PPIL2: variants seen among roughly 807,000 people sequenced by gnomAD.
PPIL2 encodes the protein RING-type E3 ubiquitin-protein ligase PPIL2.
In PPIL2, 50 loss-of-function variants were observed where a neutral mutation model predicts 75.2. The ratio of observed to expected loss-of-function variants is 0.66; its 90% confidence interval spans 0.53 to 0.84. The LOEUF is 0.84. PPIL2 is among the 40% of genes least tolerant of loss of function. The pLI is 0.00. For synonymous variants in PPIL2, 245 were observed against 258.8 expected (o/e 0.95, Z 0.51); for missense variants, 590 against 685.0 (o/e 0.86, Z 1.55).
intron 5 of PPIL2, among the ~76,000 whole-genome samples, chr22:21,673,079 CA>C (rs1221141536): frequency 6.6e-6 from 1 of 152,222 alleles, no homozygotes; most frequent in Non-Finnish European, 1.5e-5. Context: ...GGAACTTGGC[CA>C]GGGGGCTGGT....
At chr22:21,668,713 CA>C (rs1472209453) in intron 1 of PPIL2, among the ~76,000 whole-genome samples, 3 of 95,802 alleles carry the variant, frequency 3.1e-5, no homozygotes, top group Admixed American at 1.1e-4. Context: ...AATAAGATAC[CA>C]TTTTTTTTTT....
At position 21,678,035 on chromosome 22, in the gene PPIL2, C is replaced by T. The variant is rs1444392029; in HGVS notation, c.295+2920C>T. Among the ~76,000 whole-genome samples, 5 of 152,218 alleles carry T rather than the reference C, an allele frequency of 3.3e-5. No individual in the cohort carries two copies. In the Middle Eastern group the frequency reaches 0.01, roughly 311 times the overall value. ...AGCTGGGAGTCCAATGTGGCTGGAA[C>T]AGCGTGTGCTAGCGGTGGAAGCAGG... On this transcript the variant is annotated intron_variant, in intron 6 of 19. Transcript: ENST00000398831.
In PPIL2 at chr22:21,695,661, T is replaced by C. The variant is rs2148583110; in HGVS notation, c.*171T>C. The C allele has an allele frequency of 7.0e-7, 1 of 1,425,186 alleles. No individual in the cohort carries two copies. The highest frequency in any genetic ancestry group is 1.4e-5 in the African/African-American group (1 of 69,232). 88.3% of individuals were successfully genotyped at this position (1,425,186 alleles called of 1,614,324 possible). A position where few individuals can be genotyped will look rare whatever the true frequency, so the allele number is the denominator to read the frequency against. On this transcript the variant is annotated 3_prime_UTR_variant, in exon 20 of 20. Transcript: ENST00000398831. The stretch of plus-strand genomic sequence containing the variant: ...GGGAGCCCACAGCCTTCCCATCCCT[T>C]AACCTGTTGCCAAGGGCCTTGGCCC...
At chr22:21,694,070 C>T (rs758127689) in intron 16 of PPIL2, among the ~76,000 whole-genome samples, 198 bp downstream of exon 16, 9 of 152,204 alleles carry the variant, frequency 5.9e-5, no homozygotes, top group South Asian at 4.1e-4. Context: ...CTAGACCCAC[C>T]GGGCTCAGGA....
At chr22:21,677,713 G>A (rs2066937634) in intron 6 of PPIL2, among the ~76,000 whole-genome samples, 1 of 152,052 alleles carries the variant, frequency 6.6e-6, no homozygotes, top group African/African-American at 2.4e-5. Flanking sequence ...GAGGGAGAGG[G>A]AGGGACAGCA....
chr22:21,686,977 C>G lies in PPIL2; in HGVS notation c.876C>G (p.Asn292Lys). The G allele has an allele frequency of 6.2e-7, 1 of 1,613,182 alleles. No homozygotes were observed. Among genetic ancestry groups the G allele is most frequent in the Non-Finnish European group, 8.5e-7 (1 of 1,179,784 alleles). The change falls in exon 12 of 20, where the codon AAC (asparagine) becomes AAG (lysine). Residue 292 changes from asparagine to lysine, a missense_variant. Coordinates refer to ENST00000398831, the MANE Select transcript of PPIL2 (RefSeq NM_014337.4). ...TGCACACCAACAAGGGCGACCTCAACCTGGAGCTGCACTGCGACCTGGTGG... is the reference window on the plus strand; with the variant it reads ...TGCACACCAACAAGGGCGACCTCAAGCTGGAGCTGCACTGCGACCTGGTGG... The part of the protein sequence containing the change: ...VRLHTNKGDL[N>K]LELHCDLTPK...
chr22:21,670,372 T>C (rs1270703636), intron 2 of PPIL2, 194 bp from the exon 3 acceptor site: 2 of 1,503,524 alleles, frequency 1.3e-6, no homozygotes, highest in East Asian at 5.0e-5. Context: ...TATGCACTTT[T>C]CCCAGTAAGT....
chr22:21,677,183 A>G (rs443493), intron 6 of PPIL2, among the ~76,000 whole-genome samples: 150,771 of 150,942 alleles, frequency 1, 75,300 homozygotes, highest in Middle Eastern at 1. Context: ...CGGGGCGGCC[A>G]GGCAGAGACA....
intron 1 of PPIL2, among the ~76,000 whole-genome samples, chr22:21,668,807 G>A (rs2066500623): frequency 6.8e-6 from 1 of 147,928 alleles, no homozygotes; most frequent in Admixed American, 6.8e-5. Context: ...CGCCTCCCGG[G>A]TTCATGCCAT....
chr22:21,673,222 T>G (rs1383694150), intron 5 of PPIL2, among the ~76,000 whole-genome samples: 10 of 152,196 alleles, frequency 6.6e-5, no homozygotes, highest in Non-Finnish European at 1.5e-5. Context: ...TGAAGACTGT[T>G]TCTGTGATGT....
Position 21,697,117 on chromosome 22 carries a change from G to C in PPIL2, c.*1627G>C, listed in dbSNP as rs1464883948. ...CCCGCCAGGCACTGTCCTCCGCAAGGCCTGGTGCAGCCCTGGCAGTAACTG... is the reference window on the plus strand; with the variant it reads ...CCCGCCAGGCACTGTCCTCCGCAAGCCCTGGTGCAGCCCTGGCAGTAACTG... On this transcript the variant is annotated 3_prime_UTR_variant, in exon 20 of 20. Coordinates refer to ENST00000398831, the MANE Select transcript of PPIL2 (RefSeq NM_014337.4). 22 of 949,690 alleles carry C rather than the reference G, an allele frequency of 2.3e-5. No homozygotes were observed. The highest frequency in any genetic ancestry group is 3.3e-5 in the Non-Finnish European group (21 of 646,098). 58.8% of individuals were successfully genotyped at this position (949,690 alleles called of 1,614,324 possible). A position where few individuals can be genotyped will look rare whatever the true frequency, so the allele number is the denominator to read the frequency against.
chr22:21,694,289 T>G (rs1388279556), intron 16 of PPIL2, among the ~76,000 whole-genome samples: 1 of 151,850 alleles, frequency 6.6e-6, no homozygotes, highest in East Asian at 1.9e-4. Context: ...TCTGGCCAAG[T>G]GGAACTCTGT....
rs111985653 is a variant in PPIL2 at position 21,668,660 on chromosome 22, A to G, written c.33-1253A>G. 5.9e-3 allele frequency among the ~76,000 whole-genome samples: 896 copies of G among 151,636 alleles called. 5 individuals are homozygous for G. Among genetic ancestry groups the G allele is most frequent in the African/African-American group, 0.021 (850 of 41,380 alleles). Reference sequence around the variant, plus strand: ...AAATAAATAAAATAAATAAAAATAAAGAAATAGAAATCATAAGATTGACAA... The same window carrying G: ...AAATAAATAAAATAAATAAAAATAAGGAAATAGAAATCATAAGATTGACAA... On this transcript the variant is annotated intron_variant, in intron 1 of 19. Transcript: ENST00000398831.
At chr22:21,668,008 G>A (rs537630387) in intron 1 of PPIL2, among the ~76,000 whole-genome samples, 2 of 151,782 alleles carry the variant, frequency 1.3e-5, no homozygotes, top group Admixed American at 6.6e-5. Flanking sequence ...AACTCCTGAC[G>A]TCGAGTGATC....
rs1021122826 is a variant in PPIL2 at position 21,696,622 on chromosome 22, C to T, written c.*1132C>T. On this transcript the variant is annotated 3_prime_UTR_variant, in exon 20 of 20. Transcript: ENST00000398831. ...TGTCATGGACTCTCCTTGCCTGACA[C>T]TTGCCTCTTGGGCTCCCTGTTGCCC... 3.5e-5 allele frequency: 52 copies of T among 1,498,136 alleles called. No individual in the cohort carries two copies. In the East Asian group the frequency reaches 1.2e-3, roughly 35 times the overall value. 92.8% of individuals were successfully genotyped at this position (1,498,136 alleles called of 1,614,324 possible).
intron 15 of PPIL2, among the ~76,000 whole-genome samples, chr22:21,693,170 C>G (rs1220397781): frequency 6.6e-6 from 1 of 152,038 alleles, no homozygotes; most frequent in Non-Finnish European, 1.5e-5. Flanking sequence ...GCCTTGGCCT[C>G]CTAAGTAGTT....
rs1320430953 is a variant in PPIL2 at position 21,695,391 on chromosome 22, C to A, written c.1467-3C>A. The A allele has an allele frequency of 1.2e-6, 2 of 1,603,748 alleles. No individual in the cohort carries two copies. The highest frequency in any genetic ancestry group is 1.7e-6 in the Non-Finnish European group (2 of 1,175,288). ...GGCTCCCAGCGGCTTCTTCTCTTCC[C>A]AGGAAGCGAGCAGCAGAGGAAGAGC... is the stretch of plus-strand genomic sequence containing the variant. On this transcript the variant is annotated splice_polypyrimidine_tract_variant and splice_region_variant and intron_variant, in intron 19 of 19. Transcript: ENST00000398831.
chr22:21,669,862 G>A (rs779708470), intron 1 of PPIL2, 51 bp from the exon 2 acceptor site: 40 of 1,552,272 alleles, frequency 2.6e-5, no homozygotes, highest in Middle Eastern at 1.7e-4. Flanking sequence ...CAAAGACTTC[G>A]TCCTCTTTAT....
downstream of PPIL2, chr22:21,698,986 C>A (rs1463265222): frequency 6.6e-6 from 1 of 152,440 alleles, no homozygotes; most frequent in Non-Finnish European, 1.5e-5. Context: ...GAACTTCTGC[C>A]TCTGTCACTC....
Sources: gnomAD v4.1 joint callset for allele counts (sites outside exome capture counted in the v4.1 genomes callset) on GRCh38, gnomAD v4.1.1 for gene constraint, MANE v1.5 for transcripts, NCBI Gene and HGNC (gene_info 2026-07-23, HGNC 2026-07-21) for gene names.